Variants in SLCO1A2 observed in about 807,000 individuals in gnomAD.
The protein encoded by SLCO1A2 is OATP-1.
In SLCO1A2, 67 loss-of-function variants were observed where a neutral mutation model predicts 69.0. The ratio of observed to expected loss-of-function variants is 0.97; its 90% CI spans 0.80 to 1.19. The LOEUF is 1.19. SLCO1A2 is among the 50% of genes most tolerant of loss of function. SLCO1A2 has a pLI of 0.00. For missense variants in SLCO1A2, 787 were observed against 793.7 expected (o/e 0.99, Z 0.10); for synonymous variants, 260 against 265.9 (o/e 0.98, Z 0.22).
At chr12:21,384,462 G>T (rs944411907) in intron 1 of SLCO1A2, among the ~76,000 whole-genome samples, 1 of 152,034 alleles carries the variant, frequency 6.6e-6, no homozygotes, top group African/African-American at 2.4e-5. Flanking sequence ...ACTTCTCTGT[G>T]GGAACATTCC....
intron 2 of SLCO1A2, chr12:21,319,575 C>T: frequency 1.2e-6 from 1 of 811,400 alleles, no homozygotes; most frequent in African/African-American, 1.7e-5. Flanking sequence ...TTCAGGGTTT[C>T]TCAGCTGCAG....
At chr12:21,406,796 T>C (rs1941829978) in intron 1 of SLCO1A2, among the ~76,000 whole-genome samples, 1 of 152,266 alleles carries the variant, frequency 6.6e-6, no homozygotes. Context: ...GGTTAGCAAA[T>C]AGATGTGAAA....
intron 5 of SLCO1A2, 46 bp from the exon 6 acceptor site, chr12:21,304,619 G>C (rs1591819156): frequency 1.3e-6 from 2 of 1,509,560 alleles, no homozygotes; most frequent in Non-Finnish European, 1.8e-6. Context: ...TGACGATAAA[G>C]TGTCAGTAAT....
In SLCO1A2 at chr12:21,346,403, C is replaced by T. The variant is rs915027905; in HGVS notation, c.-62-11694G>A. ...AACACGGATATATTTTTACTGAGCACGGGATACAGATCCATGATGGATTTT... is the reference window on the plus strand; with the variant it reads ...AACACGGATATATTTTTACTGAGCATGGGATACAGATCCATGATGGATTTT... On this transcript the variant is annotated intron_variant, in intron 2 of 15. Coordinates refer to the SLCO1A2 transcript ENST00000307378. Among the ~76,000 whole-genome samples the T allele has an allele frequency of 1.1e-4, 16 of 152,002 alleles. No individual in the cohort carries two copies. In the East Asian group the frequency reaches 2.5e-3, roughly 24 times the overall value.
At chr12:21,340,329 G>A (rs1200999171) in intron 2 of SLCO1A2, among the ~76,000 whole-genome samples, 2 of 151,916 alleles carry the variant, frequency 1.3e-5, no homozygotes, top group East Asian at 1.9e-4. Flanking sequence ...AAATGTCCAA[G>A]GACTGACTTG....
intron 2 of SLCO1A2, chr12:21,373,778 G>A (rs1158118003): frequency 3.0e-6 from 2 of 675,778 alleles, no homozygotes; most frequent in South Asian, 3.2e-5. Context: ...ACAAACCAGA[G>A]AAACTTAACT....
At chr12:21,362,020 A>G (rs1282131741) in intron 2 of SLCO1A2, among the ~76,000 whole-genome samples, 2 of 152,178 alleles carry the variant, frequency 1.3e-5, no homozygotes, top group Admixed American at 6.5e-5. Context: ...GAAGGCCAAC[A>G]TTCAAATTCA....
intron 8 of SLCO1A2, among the ~76,000 whole-genome samples, chr12:21,299,851 C>CGTGT (rs1265398808): frequency 3.2e-5 from 4 of 124,464 alleles, no homozygotes; most frequent in African/African-American, 9.6e-5. Flanking sequence ...TATATATATA[C>CGTGT]GTGTATATAT....
intron 13 of SLCO1A2, 87 bp from the exon 14 acceptor site, chr12:21,274,673 C>T (rs555241889): frequency 1.1e-4 from 110 of 977,134 alleles, no homozygotes; most frequent in Non-Finnish European, 1.5e-4. Flanking sequence ...TTTATTTGTA[C>T]GGCAAAGTTT....
intron 2 of SLCO1A2, chr12:21,324,878 A>G (rs934136038): frequency 1.3e-5 from 2 of 152,220 alleles, no homozygotes; most frequent in Non-Finnish European, 2.9e-5. Context: ...CTCTCTGCTC[A>G]TAAGTATCTC....
upstream of SLCO1A2, among the ~76,000 whole-genome samples, chr12:21,339,176 C>G (rs541478448): frequency 3.3e-5 from 5 of 151,948 alleles, no homozygotes; most frequent in Admixed American, 6.6e-5. Context: ...TATTAAGAAT[C>G]CACTACATTC....
chr12:21,353,632 T>A (rs1938136756), intron 2 of SLCO1A2, among the ~76,000 whole-genome samples: 1 of 152,174 alleles, frequency 6.6e-6, no homozygotes, highest in Non-Finnish European at 1.5e-5. Context: ...ACAACTTGGT[T>A]TTTTTCCCAG....
At chr12:21,282,909 G>A (rs1945070595) in intron 12 of SLCO1A2, among the ~76,000 whole-genome samples, 1 of 151,976 alleles carries the variant, frequency 6.6e-6, no homozygotes, top group African/African-American at 2.4e-5. Context: ...TAAAACATTG[G>A]TGCAAGAAAT....
chr12:21,395,745 A>AG (rs753528411), upstream of SLCO1A2, among the ~76,000 whole-genome samples: 256 of 151,884 alleles, frequency 1.7e-3, no homozygotes, highest in African/African-American at 4.3e-3. Flanking sequence ...ACTGGGAGGC[A>AG]CCCCCCAGCA....
At chr12:21,385,944 G>C (rs1940855868) in intron 1 of SLCO1A2, among the ~76,000 whole-genome samples, 1 of 152,186 alleles carries the variant, frequency 6.6e-6, no homozygotes, top group Non-Finnish European at 1.5e-5. Context: ...ATATGAACCA[G>C]AACCAAGCCC....
At position 21,297,094 on chromosome 12, in the gene SLCO1A2, T is replaced by C. The variant is rs950026556; in HGVS notation, c.1075+310A>G. Reference sequence around the variant, plus strand: ...CACAATCCTATCTGAAAATATGTAATTTTTGCACTCCCAAATATTTGCATT... The same window carrying C: ...CACAATCCTATCTGAAAATATGTAACTTTTGCACTCCCAAATATTTGCATT... On this transcript the variant is annotated intron_variant, in intron 9 of 14. Coordinates refer to ENST00000683939, the MANE Select transcript of SLCO1A2 (RefSeq NM_001386879.1). 8.5e-5 allele frequency among the ~76,000 whole-genome samples: 13 copies of C among 152,144 alleles called. No homozygotes were observed. In the South Asian group the frequency reaches 1.7e-3, roughly 19 times the overall value.
chr12:21,380,419 G>A (rs1175094555), intron 1 of SLCO1A2, among the ~76,000 whole-genome samples: 5 of 152,152 alleles, frequency 3.3e-5, no homozygotes, highest in African/African-American at 1.2e-4. Flanking sequence ...TAGTTAGAGT[G>A]ACTCTATAAC....
At position 21,347,514 on chromosome 12, in the gene SLCO1A2, C is replaced by T. The variant is rs569980927; in HGVS notation, c.-62-12805G>A. 3.9e-5 allele frequency among the ~76,000 whole-genome samples: 6 copies of T among 152,018 alleles called. No individual in the cohort carries two copies. The South Asian group carries it at 1.0e-3, about 26-fold the overall frequency. The stretch of plus-strand genomic sequence containing the variant: ...TACAAAAATTAGCCAGGCATGGTGG[C>T]GCACGTCTGTAATCCCAGCTACTCA... On this transcript the variant is annotated intron_variant, in intron 2 of 15. Transcript: ENST00000307378.
In SLCO1A2 at chr12:21,348,777, A is replaced by G. The variant is rs138537344; in HGVS notation, c.-62-14068T>C. Among the ~76,000 whole-genome samples, 164 of 152,312 alleles carry G rather than the reference A, an allele frequency of 1.1e-3. 2 individuals are homozygous for G. Among genetic ancestry groups the G allele is most frequent in the Admixed American group, 5.9e-4 (9 of 15,298 alleles). ...GCCATTTGTTATTAATAGTCATACT[A>G]TCTTCCATGGAGCACAGGGGATTTT... is the stretch of plus-strand genomic sequence containing the variant. On this transcript the variant is annotated intron_variant, in intron 2 of 15. Coordinates refer to the SLCO1A2 transcript ENST00000307378.
Sources: allele counts gnomAD v4.1 joint callset (sites outside exome capture counted in the v4.1 genomes callset), GRCh38; gene constraint gnomAD v4.1.1; transcripts MANE v1.5; gene names NCBI Gene and HGNC (gene_info 2026-07-23, HGNC 2026-07-21).